The following SNX14 variants were observed in gnomAD, a reference collection of about 807,000 sequenced individuals.
SNX14 encodes sorting nexin 14.
Under a neutral mutation model 133.8 loss-of-function variants are expected in SNX14, and 93 were observed. That is an observed-to-expected ratio of 0.70 (90% CI 0.59 to 0.83). The LOEUF is 0.83. Ranked by LOEUF, SNX14 falls within the 40% of genes least tolerant of loss-of-function variation. SNX14 has a pLI of 0.00. For synonymous variants in SNX14, 368 were observed against 365.6 expected, an observed-to-expected ratio of 1.01 and a Z score of -0.07; for missense variants, 945 against 1,094.9, an observed-to-expected ratio of 0.86 and a Z score of 1.93.
intron 2 of SNX14, among the ~76,000 whole-genome samples, chr6:85,572,801 A>G (rs1796092335): frequency 2.0e-5 from 3 of 152,138 alleles, no homozygotes; most frequent in African/African-American, 4.8e-5. Flanking sequence ...TACAAAAAAA[A>G]TTCAAAAATT....
chr6:85,561,628 A>G (rs1181108566), intron 6 of SNX14, among the ~76,000 whole-genome samples: 1 of 152,182 alleles, frequency 6.6e-6, no homozygotes, highest in Admixed American at 6.5e-5. Flanking sequence ...CATGCAATAG[A>G]AAAAGACAAA....
At chr6:85,560,460 A>G (rs1791156726) in intron 6 of SNX14, among the ~76,000 whole-genome samples, 1 of 152,180 alleles carries the variant, frequency 6.6e-6, no homozygotes, top group Non-Finnish European at 1.5e-5. Context: ...TACAAAGTAG[A>G]TTTGTGGTTG....
chr6:85,589,097 C>T, intron 1 of SNX14: 1 of 263,302 alleles, frequency 3.8e-6, no homozygotes, highest in Non-Finnish European at 7.8e-6. Context: ...GATCTTTCTT[C>T]TACCATTTGC....
chr6:85,561,061 C>T (rs551239315), intron 6 of SNX14, among the ~76,000 whole-genome samples: 10 of 146,198 alleles, frequency 6.8e-5, no homozygotes, highest in South Asian at 2.2e-4. Context: ...AGGCTGGGCA[C>T]GGTGGCTCAC....
At chr6:85,591,973 A>C (rs1802900531) in intron 1 of SNX14, among the ~76,000 whole-genome samples, 1 of 152,246 alleles carries the variant, frequency 6.6e-6, no homozygotes, top group Admixed American at 6.5e-5. Flanking sequence ...AGACCGCATC[A>C]CTGCACTCCA....
chr6:85,593,147 G>C lies in SNX14; in HGVS notation c.140+432C>G, dbSNP rs571226033. ...GCTTCAGCTGCAAGCTGAGGGGGTG[G>C]GAGGTGGGGAGATGGAAGAACGCGC... On this transcript the variant is annotated intron_variant, in intron 1 of 28. Transcript: ENST00000314673. Among the ~76,000 whole-genome samples the C allele has an allele frequency of 2.1e-3, 325 of 152,280 alleles. 1 individual carries two copies. The highest frequency in any genetic ancestry group is 3.2e-3 in the Non-Finnish European group (220 of 68,024).
chr6:85,551,033 G>C (rs181865464), intron 7 of SNX14, among the ~76,000 whole-genome samples: 1 of 152,048 alleles, frequency 6.6e-6, no homozygotes, highest in Non-Finnish European at 1.5e-5. Context: ...CACCCACTTC[G>C]GCCTCGCAAA....
In SNX14 at chr6:85,551,737, T is replaced by C. The variant is rs190894282; in HGVS notation, c.635-1858A>G. ...GAGAACTTGTGTTCACAATAGAATA[T>C]GGCTTCACTGGTTAAGCTCTGGATC... On this transcript the variant is annotated intron_variant, in intron 7 of 28. Transcript: ENST00000314673. Among the ~76,000 whole-genome samples the C allele has an allele frequency of 3.9e-5, 6 of 152,356 alleles. No homozygotes were observed. The East Asian group carries it at 7.7e-4, about 20-fold the overall frequency.
chr6:85,563,421 C>T (rs1286040915), intron 6 of SNX14, among the ~76,000 whole-genome samples: 3 of 152,138 alleles, frequency 2.0e-5, no homozygotes, highest in East Asian at 1.9e-4. Flanking sequence ...GATAGAGTTT[C>T]GCTCTTGTTG....
chr6:85,541,918 T>G, intron 15 of SNX14, 67 bp downstream of exon 15: 2 of 1,201,968 alleles, frequency 1.7e-6, no homozygotes, highest in Non-Finnish European at 2.3e-6. Flanking sequence ...AAATAGCTAA[T>G]AAAGACAATG....
intron 9 of SNX14, among the ~76,000 whole-genome samples, chr6:85,547,860 G>T (rs1582829291): frequency 6.6e-6 from 1 of 152,118 alleles, no homozygotes; most frequent in Admixed American, 6.5e-5. Flanking sequence ...TCCATCAATG[G>T]ATGAACAGAT....
In SNX14 at chr6:85,517,680, T is replaced by C. The variant is rs552954246; in HGVS notation, c.2268+76A>G. ...ATCCATTTCATTAACAAAGTATTCATTCTCTCGACAATGAAAAAGTAATCT... is the reference window on the plus strand; with the variant it reads ...ATCCATTTCATTAACAAAGTATTCACTCTCTCGACAATGAAAAAGTAATCT... On this transcript the variant is annotated intron_variant, in intron 23 of 28. Transcript: ENST00000314673. The C allele has an allele frequency of 3.1e-4, 455 of 1,474,578 alleles. 4 individuals carry two copies. The highest frequency in any genetic ancestry group is 3.0e-3 in the Middle Eastern group (17 of 5,594). 91.3% of individuals were successfully genotyped at this position (1,474,578 alleles called of 1,614,324 possible).
intron 1 of SNX14, among the ~76,000 whole-genome samples, chr6:85,580,540 G>A (rs1798718456): frequency 6.6e-6 from 1 of 152,092 alleles, no homozygotes; most frequent in African/African-American, 2.4e-5. Context: ...GGCTTTTGGG[G>A]TCCCCAATTC....
At chr6:85,515,002 C>T (rs917196431) in intron 23 of SNX14, among the ~76,000 whole-genome samples, 6 of 152,072 alleles carry the variant, frequency 3.9e-5, no homozygotes, top group East Asian at 3.9e-4. Flanking sequence ...CAGTGGCTCA[C>T]GCCTGTAATC....
chr6:85,572,477 T>A (rs1339436747), intron 2 of SNX14, 103 bp from the exon 3 acceptor site: 1 of 869,630 alleles, frequency 1.1e-6, no homozygotes, highest in African/African-American at 1.7e-5. Flanking sequence ...ATGTATAAAT[T>A]CAAAGAACAT....
At chr6:85,550,000 AT>A in intron 7 of SNX14, 121 bp from the exon 8 acceptor site, 1 of 815,950 alleles carries the variant, frequency 1.2e-6, no homozygotes, top group East Asian at 2.9e-5. Flanking sequence ...TAATCCCAGC[AT>A]TTTGTGAGGC....
chr6:85,539,038 T>C (rs906430927), intron 15 of SNX14, among the ~76,000 whole-genome samples, 174 bp from the exon 16 acceptor site: 3 of 152,284 alleles, frequency 2.0e-5, no homozygotes, highest in East Asian at 3.9e-4. Context: ...GTGATAAAGG[T>C]AAGATAAACG....
intron 6 of SNX14, chr6:85,561,366 G>C (rs1221831651): frequency 6.6e-6 from 1 of 151,236 alleles, no homozygotes; most frequent in Non-Finnish European, 1.5e-5. Context: ...AAAAAGAAAA[G>C]GGAAAAGGTT....
intron 1 of SNX14, among the ~76,000 whole-genome samples, chr6:85,593,101 T>A (rs976122562): frequency 6.6e-6 from 1 of 152,192 alleles, no homozygotes; most frequent in African/African-American, 2.4e-5. Context: ...GTCTGTTTTA[T>A]TCAACAATAC....
Sources: allele counts gnomAD v4.1 joint callset (sites outside exome capture counted in the v4.1 genomes callset), GRCh38; gene constraint gnomAD v4.1.1; transcripts MANE v1.5; gene names NCBI Gene and HGNC (gene_info 2026-07-23, HGNC 2026-07-21).